The following YKT6 variants were observed in gnomAD, a reference collection of about 807,000 sequenced individuals.
YKT6 encodes the protein YKT6 vesicular SNARE protein, also known as synaptobrevin homolog YKT6.
A neutral mutation model predicts 29.3 loss-of-function variants in YKT6; 12 were observed. The observed-to-expected ratio is 0.41, with a 90% confidence interval of 0.26 to 0.66. The LOEUF (loss-of-function observed/expected upper bound fraction) is 0.66. Ranked by LOEUF, YKT6 falls within the 30% of genes least tolerant of loss-of-function variation. The probability of loss-of-function intolerance (pLI) is 0.32; values close to 1 mark genes in which losing one functional copy is unlikely to be tolerated. For missense variants in YKT6, 188 were observed against 243.8 expected, an observed-to-expected ratio of 0.77 and a Z score of 1.52; for synonymous variants, 86 against 94.3, an observed-to-expected ratio of 0.91 and a Z score of 0.51.
chr7:44,205,374 A>G (rs1468395896), intron 2 of YKT6, among the ~76,000 whole-genome samples: 1 of 152,222 alleles, frequency 6.6e-6, no homozygotes, highest in East Asian at 1.9e-4. Context: ...TCCTCCACTG[A>G]CCAGGTTCTC....
intron 1 of YKT6, among the ~76,000 whole-genome samples, chr7:44,203,210 C>G (rs535873347): frequency 2.2e-4 from 33 of 152,210 alleles, no homozygotes; most frequent in Non-Finnish European, 4.3e-4. Flanking sequence ...TCTCCTGCCT[C>G]AGCCTCCCAA....
chr7:44,213,422 G>T lies in YKT6; in HGVS notation c.*1140G>T, dbSNP rs11540051. The T allele has an allele frequency of 0.054, 8,226 of 152,472 alleles. 289 individuals carry two copies. The highest frequency in any genetic ancestry group is 0.084 in the East Asian group (437 of 5,176). 9.4% of individuals were successfully genotyped at this position (152,472 alleles called of 1,614,324 possible). On this transcript the variant is annotated 3_prime_UTR_variant, in exon 7 of 7. Transcript: ENST00000223369. ...TGCAGAGGGGGGAGGCCAAGGGTTT[G>T]GTCTAAGCTGTGCCCTGCCACCTGG...
rs138273846 is a variant in YKT6, at chr7:44,206,388, A to C, written c.191A>C (p.Tyr64Ser). Residue 64 changes from tyrosine to serine, a missense_variant, in exon 3 of 7, where the codon TAT becomes TCT. By Grantham distance (144) the Tyr-to-Ser change is moderately radical. This residue lies in a region of YKT6 where 100 missense variants were observed against 136.3 expected (regional missense o/e 0.73). Coordinates refer to ENST00000223369, the MANE Select transcript of YKT6 (RefSeq NM_006555.4). ...GTCTGATCTCTTGTCTCCTTAGACTATCTGTGCCACGTCTACGTCCGGAAT... is the reference window on the plus strand; with the variant it reads ...GTCTGATCTCTTGTCTCCTTAGACTCTCTGTGCCACGTCTACGTCCGGAAT... Reference protein sequence around the residue: ...GTRASVKEQDYLCHVYVRNDS... With the variant: ...GTRASVKEQDSLCHVYVRNDS... The C allele has an allele frequency of 4.3e-6, 7 of 1,613,908 alleles. No homozygotes were observed. Among genetic ancestry groups the C allele is most frequent in the Non-Finnish European group, 5.9e-6 (7 of 1,180,000 alleles).
chr7:44,206,616 G>T (rs1189689832), intron 3 of YKT6, 131 bp downstream of exon 3: 51 of 854,312 alleles, frequency 6.0e-5, no homozygotes, highest in Non-Finnish European at 7.0e-5. Context: ...ACATTTTTCA[G>T]CCCCCTTCCC....
chr7:44,210,680 G>GCA lies in YKT6; in HGVS notation c.460-324_460-323dup, dbSNP rs3837149. Reference sequence around the variant, plus strand: ...GCTCCATGCACACGCACATGTGCGTGCACACACACACACACACACAAATGT... The same window carrying GCA: ...GCTCCATGCACACGCACATGTGCGTGCACACACACACACACACACACAAATGT... On this transcript the variant is annotated intron_variant, in intron 5 of 6. Coordinates refer to ENST00000223369, the MANE Select transcript of YKT6 (RefSeq NM_006555.4). 2.4e-3 allele frequency: 856 copies of GCA among 354,264 alleles called. 4 individuals carry two copies. Among genetic ancestry groups the GCA allele is most frequent in the Non-Finnish European group, 3.0e-3 (538 of 180,782 alleles). The allele number at this position is 354,264 out of a possible 1,614,324, so 21.9% of individuals were successfully genotyped here. A position where few individuals can be genotyped will look rare whatever the true frequency, so the allele number is the denominator to read the frequency against.
intron 6 of YKT6, chr7:44,211,686 G>A: frequency 3.3e-6 from 3 of 915,668 alleles, no homozygotes; most frequent in African/African-American, 3.6e-5. Context: ...TACTTGGTCT[G>A]TCCACACACA....
chr7:44,202,422 T>A (rs1033606190), intron 1 of YKT6, among the ~76,000 whole-genome samples: 4 of 152,214 alleles, frequency 2.6e-5, no homozygotes, highest in Non-Finnish European at 5.9e-5. Flanking sequence ...AATTCGTGTC[T>A]ATTAAACACA....
At chr7:44,207,606 T>C in intron 4 of YKT6, 114 bp downstream of exon 4, 1 of 849,936 alleles carries the variant, frequency 1.2e-6, no homozygotes, top group Non-Finnish European at 1.9e-6. Flanking sequence ...CTTCTGATGC[T>C]GGTGTCCTCT....
chr7:44,210,820 G>A lies in YKT6; in HGVS notation c.460-203G>A, dbSNP rs183516141. 1.7e-4 allele frequency: 109 copies of A among 636,482 alleles called. 1 individual carries two copies. The highest frequency in any genetic ancestry group is 2.9e-4 in the Non-Finnish European group (100 of 344,800). 39.4% of individuals were successfully genotyped at this position (636,482 alleles called of 1,614,324 possible). ...TGCTACATCCCAGTTAGATCTTCTA[G>A]ATTTCACGGGAATGTCACCAGGTTC... On this transcript the variant is annotated intron_variant, in intron 5 of 6. Transcript: ENST00000223369.
intron 5 of YKT6, among the ~76,000 whole-genome samples, chr7:44,209,001 C>T (rs1184952181): frequency 6.6e-6 from 1 of 152,202 alleles, no homozygotes; most frequent in Admixed American, 6.5e-5. Context: ...AGCTCACACA[C>T]AGGCGCCTGA....
intron 5 of YKT6, among the ~76,000 whole-genome samples, chr7:44,209,149 G>A (rs1023116672): frequency 6.6e-5 from 10 of 152,186 alleles, no homozygotes; most frequent in African/African-American, 2.4e-4. Context: ...CTCAGCAGTT[G>A]ATAGATACCT....
At position 44,201,077 on chromosome 7, in the gene YKT6, C is replaced by T; in HGVS notation, c.-59C>T. On this transcript the variant is annotated 5_prime_UTR_variant, in exon 1 of 7. Transcript: ENST00000223369. Reference sequence around the variant, plus strand: ...GCGGTCCCGAGGGGCGGCGGCCGCGCTGCTCCCTGAGAACGGGTCCCGCAG... The same window carrying T: ...GCGGTCCCGAGGGGCGGCGGCCGCGTTGCTCCCTGAGAACGGGTCCCGCAG... 1 of 1,462,684 alleles carries T rather than the reference C, an allele frequency of 6.8e-7. No individual in the cohort carries two copies. Among genetic ancestry groups the T allele is most frequent in the Non-Finnish European group, 9.2e-7 (1 of 1,092,106 alleles). 90.6% of individuals were successfully genotyped at this position (1,462,684 alleles called of 1,614,324 possible).
Position 44,201,013 on chromosome 7 carries a change from C to T in YKT6, c.-123C>T, listed in dbSNP as rs1025321680. ...CCAGGAGGAGGAAGCCGGCGGTGGCCCCGTCAGCAGCCGGCTGCTGAGAGG... is the reference window on the plus strand; with the variant it reads ...CCAGGAGGAGGAAGCCGGCGGTGGCTCCGTCAGCAGCCGGCTGCTGAGAGG... On this transcript the variant is annotated 5_prime_UTR_variant, in exon 1 of 7. Coordinates refer to ENST00000223369, the MANE Select transcript of YKT6 (RefSeq NM_006555.4). 2.2e-5 allele frequency: 16 copies of T among 741,054 alleles called. No homozygotes were observed. The highest frequency in any genetic ancestry group is 1.5e-4 in the Admixed American group (4 of 26,314). The allele number at this position is 741,054 out of a possible 1,614,324, so 45.9% of individuals were successfully genotyped here.
At chr7:44,209,545 A>G (rs2096344495) in intron 5 of YKT6, among the ~76,000 whole-genome samples, 1 of 152,122 alleles carries the variant, frequency 6.6e-6, no homozygotes, top group Non-Finnish European at 1.5e-5. Context: ...GATGAGTCCT[A>G]TTCACCCAGC....
At chr7:44,206,089 T>C (rs1281506633) in intron 2 of YKT6, among the ~76,000 whole-genome samples, 1 of 152,206 alleles carries the variant, frequency 6.6e-6, no homozygotes, top group African/African-American at 2.4e-5. Flanking sequence ...TTGGAAATGC[T>C]CCTGGGGCCA....
Position 44,200,987 on chromosome 7 carries a change from G to A in YKT6, c.-149G>A. 1 of 588,230 alleles carries A rather than the reference G, an allele frequency of 1.7e-6. No homozygotes were observed. The highest frequency in any genetic ancestry group is 2.9e-6 in the Non-Finnish European group (1 of 345,888). 36.4% of individuals were successfully genotyped at this position (588,230 alleles called of 1,614,324 possible). ...GACCGGATCCGGAAGTGGATTGCGA[G>A]CCAGGAGGAGGAAGCCGGCGGTGGC... On this transcript the variant is annotated 5_prime_UTR_variant, in exon 1 of 7. Coordinates refer to ENST00000223369, the MANE Select transcript of YKT6 (RefSeq NM_006555.4).
chr7:44,202,165 G>A (rs1319865257), intron 1 of YKT6, among the ~76,000 whole-genome samples: 2 of 151,976 alleles, frequency 1.3e-5, no homozygotes, highest in Admixed American at 1.3e-4. Flanking sequence ...CCCTGCTTCA[G>A]TGCAGCTGGT....
At chr7:44,208,862 C>T (rs1208201852) in intron 5 of YKT6, among the ~76,000 whole-genome samples, 1 of 152,166 alleles carries the variant, frequency 6.6e-6, no homozygotes, top group Non-Finnish European at 1.5e-5. Context: ...GTCTGTCCAC[C>T]AGAGAGTAGT....
At chr7:44,202,008 G>A (rs973769084) in intron 1 of YKT6, among the ~76,000 whole-genome samples, 5 of 152,162 alleles carry the variant, frequency 3.3e-5, no homozygotes, top group African/African-American at 9.7e-5. Flanking sequence ...TTGCTGGAAC[G>A]TGTTAGAAGT....
Sources: gnomAD v4.1 joint callset for allele counts (sites outside exome capture counted in the v4.1 genomes callset) on GRCh38, gnomAD v4.1.1 for gene constraint, gnomAD v4.1.1 regional missense constraint, MANE v1.5 for transcripts, NCBI Gene and HGNC (gene_info 2026-07-23, HGNC 2026-07-21) for gene names.